KAZN: variants seen among roughly 807,000 people sequenced by gnomAD.
KAZN encodes the protein kazrin.
A neutral mutation model predicts 87.4 loss-of-function variants in KAZN; 40 were observed. That is an observed-to-expected ratio of 0.46 (90% CI 0.36 to 0.60). The LOEUF is 0.60. Among genes scored for constraint, KAZN ranks in the 20% least tolerant of loss-of-function variants. The pLI, the probability that KAZN is intolerant of heterozygous loss-of-function variation, is 0.00. For missense variants in KAZN, 898 were observed against 1,073.9 expected, an observed-to-expected ratio of 0.84 and a Z score of 2.29; for synonymous variants, 466 against 458.3, an observed-to-expected ratio of 1.02 and a Z score of -0.22.
intron 2 of KAZN, among the ~76,000 whole-genome samples, chr1:14,309,631 G>A (rs1365236651): frequency 6.6e-6 from 1 of 152,172 alleles, no homozygotes; most frequent in Non-Finnish European, 1.5e-5. Context: ...TGTGATCACA[G>A]CTCACTGTGG....
intron 2 of KAZN, among the ~76,000 whole-genome samples, chr1:14,516,907 G>C (rs1228267023): frequency 6.6e-6 from 1 of 152,102 alleles, no homozygotes; most frequent in Non-Finnish European, 1.5e-5. Context: ...TAAATCATCT[G>C]TGTTCTCCTA....
intron 1 of KAZN, among the ~76,000 whole-genome samples, chr1:13,936,898 C>A (rs1037766812): frequency 1.3e-4 from 20 of 152,138 alleles, no homozygotes; most frequent in Non-Finnish European, 2.9e-4. Flanking sequence ...CAAGCCATTA[C>A]AACTGTGCAA....
chr1:14,335,114 C>CG (rs911497339), intron 2 of KAZN, among the ~76,000 whole-genome samples: 8 of 151,308 alleles, frequency 5.3e-5, no homozygotes, highest in South Asian at 4.2e-4. Flanking sequence ...GTGCCCCCCC[C>CG]CCACCACCCC....
At chr1:15,046,806 G>T (rs1287689573) in intron 4 of KAZN, among the ~76,000 whole-genome samples, 1 of 152,216 alleles carries the variant, frequency 6.6e-6, no homozygotes, top group Non-Finnish European at 1.5e-5. Flanking sequence ...GATAATACTG[G>T]AGGCCCTGCT....
chr1:14,102,227 C>T (rs1017401771), intron 1 of KAZN, among the ~76,000 whole-genome samples: 2 of 151,834 alleles, frequency 1.3e-5, no homozygotes, highest in African/African-American at 2.4e-5. Flanking sequence ...TACGTGCCCA[C>T]AGGGTCTCCA....
At position 13,976,856 on chromosome 1, in the gene KAZN, A is replaced by G. The variant is rs77535263; in HGVS notation, c.91+83100A>G. ...TTAAAGCATCTCTCCTCTATTAAGCATCACCTTCCCTAAAAAGTGCAGTGC... is the reference window on the plus strand; with the variant it reads ...TTAAAGCATCTCTCCTCTATTAAGCGTCACCTTCCCTAAAAAGTGCAGTGC... On this transcript the variant is annotated intron_variant, in intron 1 of 16. Transcript: ENST00000636203. 8.7e-3 allele frequency among the ~76,000 whole-genome samples: 1,332 copies of G among 152,290 alleles called. 19 individuals carry two copies. Among genetic ancestry groups the G allele is most frequent in the African/African-American group, 0.03 (1,260 of 41,556 alleles).
chr1:14,217,064 T>C (rs957373094), intron 2 of KAZN, among the ~76,000 whole-genome samples: 1 of 151,154 alleles, frequency 6.6e-6, no homozygotes, highest in South Asian at 2.1e-4. Flanking sequence ...AATAAATAAC[T>C]CAATTTAAGG....
At chr1:15,093,466 G>A (rs1357934578) in intron 8 of KAZN, among the ~76,000 whole-genome samples, 2 of 151,902 alleles carry the variant, frequency 1.3e-5, no homozygotes, top group African/African-American at 2.4e-5. Flanking sequence ...ATTTAAAGGC[G>A]AAAGGATATT....
intron 2 of KAZN, among the ~76,000 whole-genome samples, chr1:14,305,220 C>T (rs897887110): frequency 6.6e-6 from 1 of 152,036 alleles, no homozygotes; most frequent in African/African-American, 2.4e-5. Flanking sequence ...CTCAGTTAAA[C>T]CCATGTCGAA....
chr1:15,088,740 C>A (rs1640388931), intron 8 of KAZN, among the ~76,000 whole-genome samples: 1 of 152,056 alleles, frequency 6.6e-6, no homozygotes, highest in African/African-American at 2.4e-5. Context: ...GCCCTTCTGT[C>A]ACGTCGTCTC....
At chr1:14,161,699 G>T (rs1408480099) in intron 1 of KAZN, among the ~76,000 whole-genome samples, 4 of 152,098 alleles carry the variant, frequency 2.6e-5, no homozygotes, top group Non-Finnish European at 4.4e-5. Context: ...GAATCATTGG[G>T]TTCTATTTTG....
chr1:15,079,195 C>A (rs1019573291), intron 8 of KAZN, among the ~76,000 whole-genome samples: 1 of 152,088 alleles, frequency 6.6e-6, no homozygotes, highest in Non-Finnish European at 1.5e-5. Flanking sequence ...GTCTCCCAGC[C>A]GTCACAATGC....
At chr1:14,119,126 A>G (rs566867359) in intron 1 of KAZN, among the ~76,000 whole-genome samples, 3 of 152,326 alleles carry the variant, frequency 2.0e-5, no homozygotes, top group Non-Finnish European at 2.9e-5. Flanking sequence ...AGAGTCACCA[A>G]TGAAAAACAT....
rs61000504 is a variant in KAZN at position 14,078,368 on chromosome 1, G to A, written c.92-102067G>A. 2.9e-3 allele frequency among the ~76,000 whole-genome samples: 443 copies of A among 152,314 alleles called. 1 individual carries two copies. Among genetic ancestry groups the A allele is most frequent in the African/African-American group, 1.0e-2 (415 of 41,576 alleles). On this transcript the variant is annotated intron_variant, in intron 1 of 16. Coordinates refer to the KAZN transcript ENST00000636203. Reference sequence around the variant, plus strand: ...GCAACAGGCATTTAATAAGTATTTTGTTGAGAGACCTTGAGCAAATCATCT... The same window carrying A: ...GCAACAGGCATTTAATAAGTATTTTATTGAGAGACCTTGAGCAAATCATCT...
chr1:14,971,615 A>T (rs1480629572), intron 2 of KAZN, among the ~76,000 whole-genome samples: 1 of 151,250 alleles, frequency 6.6e-6, no homozygotes, highest in Non-Finnish European at 1.5e-5. Context: ...AGGATCTGGA[A>T]GTGGGTGTCT....
rs1365356257 is a variant in KAZN at position 14,599,273 on chromosome 1, C to A, written c.226+50C>A. ...CGGAGGAAGGCGAGCAGAGCACGCC[C>A]GGCCTCGGAGGTGGCCGGGGACCCG... On this transcript the variant is annotated intron_variant, in intron 1 of 14. Transcript: ENST00000376030. This position sits in a 1 kb window ranked among gnomAD's most constrained non-coding sequence, Gnocchi z 4.4. 1.5e-6 allele frequency: 2 copies of A among 1,295,204 alleles called. No homozygotes were observed. The highest frequency in any genetic ancestry group is 2.8e-5 in the South Asian group (1 of 36,076). The allele number at this position is 1,295,204 out of a possible 1,614,324, so 80.2% of individuals were successfully genotyped here. A position where few individuals can be genotyped will look rare whatever the true frequency, so the allele number is the denominator to read the frequency against.
chr1:15,022,366 G>T (rs781224993), intron 2 of KAZN, among the ~76,000 whole-genome samples: 2 of 151,876 alleles, frequency 1.3e-5, no homozygotes, highest in African/African-American at 4.8e-5. Flanking sequence ...ATGGTTAACC[G>T]GAGTTTTGCG....
chr1:14,385,942 G>C (rs1238262306), intron 2 of KAZN, among the ~76,000 whole-genome samples: 1 of 150,316 alleles, frequency 6.7e-6, no homozygotes, highest in Non-Finnish European at 1.5e-5. Context: ...TAATGTGTGG[G>C]AGTCTAAGTC....
chr1:14,143,526 C>T (rs1051060581), intron 1 of KAZN, among the ~76,000 whole-genome samples: 3 of 152,150 alleles, frequency 2.0e-5, no homozygotes, highest in African/African-American at 7.2e-5. Context: ...ACACACTTCT[C>T]CCCCACTTAC....
Sources: gnomAD v4.1 joint callset for allele counts (sites outside exome capture counted in the v4.1 genomes callset) on GRCh38, gnomAD v4.1.1 for gene constraint, Gnocchi (gnomAD v3.1) non-coding constraint, MANE v1.5 for transcripts, NCBI Gene and HGNC (gene_info 2026-07-23, HGNC 2026-07-21) for gene names.